CNTN5: variants seen among roughly 807,000 people sequenced by gnomAD.
CNTN5 encodes contactin-5.
Under a neutral mutation model 129.1 loss-of-function variants are expected in CNTN5, and 77 were observed. The observed-to-expected ratio is 0.60, with a 90% CI of 0.50 to 0.72. The LOEUF is 0.72. Ranked by LOEUF, CNTN5 falls within the 30% of genes least tolerant of loss-of-function variation. The pLI is 0.00. For synonymous variants in CNTN5, 509 were observed against 465.6 expected (o/e 1.09, Z -1.20); for missense variants, 1,478 against 1,328.8 (o/e 1.11, Z -1.75).
At chr11:99,325,644 G>A (rs985130829) in intron 2 of CNTN5, among the ~76,000 whole-genome samples, 160 bp downstream of exon 2, 1 of 152,118 alleles carries the variant, frequency 6.6e-6, no homozygotes, top group Non-Finnish European at 1.5e-5. Context: ...TCTTTGAATT[G>A]AAAACACCTT....
At chr11:100,269,274 C>A in intron 17 of CNTN5, among the ~76,000 whole-genome samples, 1 of 152,124 alleles carries the variant, frequency 6.6e-6, no homozygotes, top group East Asian at 1.9e-4. Context: ...TTGACAGAAG[C>A]CAGTATGATG....
chr11:99,981,101 T>TATATATATATATATAC (rs1287784496), intron 8 of CNTN5, among the ~76,000 whole-genome samples: 2 of 61,294 alleles, frequency 3.3e-5, no homozygotes, highest in Non-Finnish European at 6.3e-5. Context: ...TATATATATA[T>TATATATATATATATAC]ATACACACAC....
intron 21 of CNTN5, among the ~76,000 whole-genome samples, chr11:100,333,410 A>G (rs1354677648): frequency 1.7e-5 from 1 of 58,936 alleles, no homozygotes; most frequent in East Asian, 1.6e-3. Context: ...CTGAATTAGA[A>G]AAAAAAAAAA....
At chr11:100,274,538 C>T in intron 18 of CNTN5, among the ~76,000 whole-genome samples, 1 of 152,202 alleles carries the variant, frequency 6.6e-6, no homozygotes, top group Middle Eastern at 3.4e-3. Flanking sequence ...AAAAAACAAA[C>T]AGCCCCATTA....
intron 3 of CNTN5, among the ~76,000 whole-genome samples, chr11:99,634,637 A>G (rs570593105): frequency 3.9e-5 from 6 of 152,278 alleles, no homozygotes; most frequent in African/African-American, 1.4e-4. Context: ...AGTCTAATCT[A>G]TACACTACTC....
intron 1 of CNTN5, among the ~76,000 whole-genome samples, chr11:99,052,758 T>A (rs1435653118): frequency 1.3e-5 from 2 of 151,868 alleles, no homozygotes; most frequent in African/African-American, 4.8e-5. Context: ...TGGAAAGTAT[T>A]GATACATGTA....
At chr11:100,196,342 G>A (rs1591380973) in intron 15 of CNTN5, among the ~76,000 whole-genome samples, 1 of 151,946 alleles carries the variant, frequency 6.6e-6, no homozygotes, top group Non-Finnish European at 1.5e-5. Flanking sequence ...GTATTATTTT[G>A]TAGATGCCAA....
intron 1 of CNTN5, among the ~76,000 whole-genome samples, chr11:99,266,853 C>T (rs1383868816): frequency 6.6e-6 from 1 of 151,944 alleles, no homozygotes; most frequent in African/African-American, 2.4e-5. Context: ...TCAGCAGAGA[C>T]AGATAAGTAT....
intron 8 of CNTN5, among the ~76,000 whole-genome samples, chr11:99,963,634 G>A (rs77280614): frequency 0.15 from 23,504 of 151,968 alleles, 2,388 homozygotes; most frequent in African/African-American, 0.29. Context: ...TTGACTTGGC[G>A]ATGCGGGCTC....
chr11:99,195,890 A>G (rs890102221), intron 1 of CNTN5, among the ~76,000 whole-genome samples: 5 of 152,006 alleles, frequency 3.3e-5, no homozygotes, highest in Non-Finnish European at 7.4e-5. Flanking sequence ...AAAAGCCTCA[A>G]AGAAATACTT....
chr11:99,724,490 A>G (rs533282740), intron 3 of CNTN5, among the ~76,000 whole-genome samples: 1 of 152,172 alleles, frequency 6.6e-6, no homozygotes, highest in Admixed American at 6.5e-5. Context: ...AATGCCAAAC[A>G]TTGTTCTAAG....
intron 3 of CNTN5, among the ~76,000 whole-genome samples, chr11:99,663,681 A>C (rs2135924787): frequency 6.6e-6 from 1 of 152,210 alleles, no homozygotes; most frequent in Admixed American, 6.5e-5. Context: ...ATGGTTCTAT[A>C]ACGAGCTCTT....
chr11:100,288,506 C>T (rs1394855527), intron 18 of CNTN5, among the ~76,000 whole-genome samples: 1 of 152,200 alleles, frequency 6.6e-6, no homozygotes, highest in Non-Finnish European at 1.5e-5. Context: ...TCCTGAATGA[C>T]TACTGGGTAC....
At chr11:99,880,762 A>G (rs1323210981) in intron 6 of CNTN5, among the ~76,000 whole-genome samples, 1 of 152,220 alleles carries the variant, frequency 6.6e-6, no homozygotes, top group Non-Finnish European at 1.5e-5. Flanking sequence ...CAAGGATATT[A>G]TTATACAACA....
intron 18 of CNTN5, among the ~76,000 whole-genome samples, chr11:100,279,714 G>C (rs182637849): frequency 2.0e-5 from 3 of 150,880 alleles, no homozygotes; most frequent in African/African-American, 7.3e-5. Flanking sequence ...TCTTAGTCTG[G>C]CTAAAGATTT....
chr11:100,328,720 T>C (rs1442444), intron 21 of CNTN5, among the ~76,000 whole-genome samples: 45,469 of 151,942 alleles, frequency 0.3, 7,095 homozygotes, highest in African/African-American at 0.35. Context: ...TTTGACATGA[T>C]ATTTGGATGG....
chr11:99,129,410 T>G (rs11218497), intron 1 of CNTN5, among the ~76,000 whole-genome samples: 51,056 of 151,046 alleles, frequency 0.34, 9,388 homozygotes, highest in Non-Finnish European at 0.41. Context: ...ATAGAAAAAA[T>G]AAAGAAAAGG....
intron 13 of CNTN5, among the ~76,000 whole-genome samples, chr11:100,101,180 T>C (rs1267953091): frequency 6.6e-6 from 1 of 152,082 alleles, no homozygotes; most frequent in Non-Finnish European, 1.5e-5. Flanking sequence ...AACTTGATGA[T>C]TGGAACTAAG....
intron 9 of CNTN5, among the ~76,000 whole-genome samples, chr11:100,028,093 G>A (rs945856440): frequency 6.6e-6 from 1 of 152,066 alleles, no homozygotes; most frequent in African/African-American, 2.4e-5. Context: ...AACAGCAACT[G>A]AAAGGTAATA....
Sources: gnomAD v4.1 joint callset for allele counts (sites outside exome capture counted in the v4.1 genomes callset) on GRCh38, gnomAD v4.1.1 for gene constraint, MANE v1.5 for transcripts, NCBI Gene and HGNC (gene_info 2026-07-23, HGNC 2026-07-21) for gene names.